The following ADAMTSL1 variants were observed in gnomAD, a reference collection of about 807,000 sequenced individuals.
ADAMTSL1 encodes ADAMTS-like protein 1.
In ADAMTSL1, 126 loss-of-function variants were observed where a neutral mutation model predicts 201.8. The ratio of observed to expected loss-of-function variants is 0.62; its 90% CI spans 0.54 to 0.72. The LOEUF (loss-of-function observed/expected upper bound fraction) is 0.72. Among genes scored for constraint, ADAMTSL1 ranks in the 30% least tolerant of loss-of-function variants. The pLI, the probability that ADAMTSL1 is intolerant of heterozygous loss-of-function variation, is 0.00. For missense variants in ADAMTSL1, 2,679 were observed against 2,277.8 expected, an observed-to-expected ratio of 1.18 and a Z score of -3.59; for synonymous variants, 1,121 against 903.4, an observed-to-expected ratio of 1.24 and a Z score of -4.32.
At chr9:18,744,760 G>T (rs982396645) in intron 15 of ADAMTSL1, among the ~76,000 whole-genome samples, 2 of 152,144 alleles carry the variant, frequency 1.3e-5, no homozygotes, top group African/African-American at 4.8e-5. Flanking sequence ...CAAACAATCC[G>T]ATCTTAGAGC....
Position 18,624,121 on chromosome 9 carries a change from A to C in ADAMTSL1, c.601+1752A>C, listed in dbSNP as rs548916740. On this transcript the variant is annotated intron_variant, in intron 5 of 28. Coordinates refer to ENST00000380548, the MANE Select transcript of ADAMTSL1 (RefSeq NM_001040272.6). The stretch of plus-strand genomic sequence containing the variant: ...AAACACATGAAAAATTGGAGATACC[A>C]GTTTAGGGAACTCTGTACATTCTAA... 3.3e-5 allele frequency among the ~76,000 whole-genome samples: 5 copies of C among 152,350 alleles called. No individual in the cohort carries two copies. The South Asian group carries it at 1.0e-3, about 32-fold the overall frequency.
chr9:18,663,236 T>C (rs1829215610), intron 9 of ADAMTSL1, among the ~76,000 whole-genome samples: 1 of 152,136 alleles, frequency 6.6e-6, no homozygotes, highest in South Asian at 2.1e-4. Context: ...TATTAATTAA[T>C]TCACAGGAAC....
intron 2 of ADAMTSL1, among the ~76,000 whole-genome samples, chr9:18,330,530 T>A (rs1039915131): frequency 2.6e-5 from 4 of 152,170 alleles, no homozygotes; most frequent in African/African-American, 9.7e-5. Flanking sequence ...GCTGATGTTA[T>A]CATTCCGAGA....
In ADAMTSL1 at chr9:18,504,873, G is replaced by C. The variant is rs1401078055; in HGVS notation, c.108G>C (p.Trp36Cys). 3 of 1,613,776 alleles carry C rather than the reference G, an allele frequency of 1.9e-6. No individual in the cohort carries two copies. The highest frequency in any genetic ancestry group is 3.3e-5 in the Admixed American group (2 of 59,942). Residue 36 changes from tryptophan (W) to cysteine (C), a missense_variant, in exon 2 of 29, where the codon TGG becomes TGC. Coordinates refer to ENST00000380548, the MANE Select transcript of ADAMTSL1 (RefSeq NM_001040272.6). ...ARSEEDRDGL[W>C]DAWGPWSECS... Reference sequence around the variant, plus strand: ...CCGAGGAGGACCGGGACGGCCTATGGGATGCCTGGGGCCCATGGAGTGAAT... The same window carrying C: ...CCGAGGAGGACCGGGACGGCCTATGCGATGCCTGGGGCCCATGGAGTGAAT...
At chr9:18,370,170 C>T (rs1176866076) in intron 2 of ADAMTSL1, among the ~76,000 whole-genome samples, 2 of 151,938 alleles carry the variant, frequency 1.3e-5, no homozygotes, top group Non-Finnish European at 2.9e-5. Context: ...ATCCCAGCTA[C>T]TTGGGAGGCT....
At chr9:18,695,995 G>T (rs10123053) in intron 13 of ADAMTSL1, among the ~76,000 whole-genome samples, 57,372 of 152,002 alleles carry the variant, frequency 0.38, 11,073 homozygotes, top group Non-Finnish European at 0.43. Flanking sequence ...ATCTTACATG[G>T]CCAGAGAAGG....
rs1281315194 is a variant in ADAMTSL1 at position 18,574,248 on chromosome 9, C to T, written c.456C>T (p.Cys152=). The part of the protein sequence containing the change: ...TRCYTESLDM[C]ISGLCQIVGC... ...GCTATACAGAATCTTTGGATATGTGCATCAGTGGTTTATGCCAAGTAAGTG... is the reference window on the plus strand; with the variant it reads ...GCTATACAGAATCTTTGGATATGTGTATCAGTGGTTTATGCCAAGTAAGTG... Residue 152 remains cysteine (C), a synonymous_variant, in exon 4 of 29, where the codon TGC becomes TGT. Coordinates refer to ENST00000380548, the MANE Select transcript of ADAMTSL1 (RefSeq NM_001040272.6). The T allele has an allele frequency of 5.6e-6, 9 of 1,614,054 alleles. No homozygotes were observed. Among genetic ancestry groups the T allele is most frequent in the Admixed American group, 5.0e-5 (3 of 60,020 alleles).
intron 2 of ADAMTSL1, among the ~76,000 whole-genome samples, chr9:18,302,644 G>T (rs976720397): frequency 9.2e-5 from 14 of 151,946 alleles, no homozygotes; most frequent in African/African-American, 3.4e-4. Flanking sequence ...CCTTTTTCTT[G>T]CTTAGGGCTG....
chr9:18,178,439 G>A (rs1295762955), intron 2 of ADAMTSL1, among the ~76,000 whole-genome samples: 1 of 151,340 alleles, frequency 6.6e-6, no homozygotes. Context: ...AGGCAGCAGC[G>A]AGGCTGGGGG....
intron 1 of ADAMTSL1, among the ~76,000 whole-genome samples, chr9:18,127,456 G>A (rs1312303890): frequency 6.9e-6 from 1 of 145,846 alleles, no homozygotes; most frequent in Non-Finnish European, 1.5e-5. Flanking sequence ...TGTGTGTGGG[G>A]TGGTGCATGC....
intron 1 of ADAMTSL1, among the ~76,000 whole-genome samples, chr9:18,118,802 G>A (rs545248911): frequency 3.9e-5 from 6 of 152,224 alleles, no homozygotes; most frequent in South Asian, 4.1e-4. Context: ...GCCTTTATTC[G>A]AAATTGTAGT....
At chr9:18,838,515 AAAAT>A (rs145645151) in intron 23 of ADAMTSL1, among the ~76,000 whole-genome samples, 2 of 151,792 alleles carry the variant, frequency 1.3e-5, no homozygotes, top group South Asian at 4.2e-4. Flanking sequence ...CTCCAGTTTA[AAAAT>A]AAATAAATAA....
intron 2 of ADAMTSL1, among the ~76,000 whole-genome samples, chr9:18,415,247 C>G (rs1377743318): frequency 1.3e-5 from 2 of 152,110 alleles, no homozygotes; most frequent in Non-Finnish European, 2.9e-5. Flanking sequence ...ATCACAACCA[C>G]CCCAGAATTG....
chr9:18,112,194 G>T (rs994967331), intron 1 of ADAMTSL1, among the ~76,000 whole-genome samples: 2 of 152,072 alleles, frequency 1.3e-5, no homozygotes, highest in Admixed American at 1.3e-4. Context: ...TGCTTAGGTG[G>T]GTAGGAGAAC....
At chr9:18,862,518 G>A (rs987906360) in intron 23 of ADAMTSL1, among the ~76,000 whole-genome samples, 5 of 152,246 alleles carry the variant, frequency 3.3e-5, no homozygotes, top group South Asian at 2.1e-4. Flanking sequence ...ATTATAGAGC[G>A]CTTCCTTGAA....
intron 20 of ADAMTSL1, among the ~76,000 whole-genome samples, chr9:18,804,108 C>G (rs1003486366): frequency 2.0e-5 from 3 of 152,068 alleles, no homozygotes; most frequent in African/African-American, 7.2e-5. Context: ...CTTTTAGACC[C>G]AAGAGTTCTA....
At chr9:18,065,279 T>C (rs1822643926) in intron 1 of ADAMTSL1, among the ~76,000 whole-genome samples, 1 of 152,130 alleles carries the variant, frequency 6.6e-6, no homozygotes, top group African/African-American at 2.4e-5. Context: ...GAATAAGCTA[T>C]TGTGTTGGCT....
chr9:18,031,815 C>T (rs959268004), intron 1 of ADAMTSL1, among the ~76,000 whole-genome samples: 5 of 152,196 alleles, frequency 3.3e-5, no homozygotes, highest in Admixed American at 1.3e-4. Flanking sequence ...TCCCCAGGAA[C>T]CTGCTGGTCC....
intron 4 of ADAMTSL1, among the ~76,000 whole-genome samples, chr9:18,576,501 C>T (rs893259951): frequency 1.3e-5 from 2 of 152,162 alleles, no homozygotes; most frequent in African/African-American, 4.8e-5. Flanking sequence ...TAATACTCTT[C>T]AAAGAGCCAC....
Sources: gnomAD v4.1 joint callset for allele counts (sites outside exome capture counted in the v4.1 genomes callset) on GRCh38, gnomAD v4.1.1 for gene constraint, MANE v1.5 for transcripts, NCBI Gene and HGNC (gene_info 2026-07-23, HGNC 2026-07-21) for gene names.